The following SEMA6D variants were observed in gnomAD, a reference collection of about 807,000 sequenced individuals.
SEMA6D encodes the protein semaphorin 6D.
SEMA6D carries 35 observed loss-of-function variants against 106.6 expected under a neutral mutation model. The ratio of observed to expected loss-of-function variants is 0.33; its 90% CI spans 0.25 to 0.44. The LOEUF (loss-of-function observed/expected upper bound fraction) is 0.44. Ranked by LOEUF, SEMA6D falls within the 20% of genes least tolerant of loss-of-function variation. SEMA6D has a pLI of 1.00. For missense variants in SEMA6D, 1,185 were observed against 1,345.9 expected (o/e 0.88, Z 1.87); for synonymous variants, 499 against 487.7 (o/e 1.02, Z -0.31).
chr15:47,381,068 AGGCTGAAGCTACCAGCCTGAAG>A (rs1346107586), intron 1 of SEMA6D, among the ~76,000 whole-genome samples: 1 of 152,296 alleles, frequency 6.6e-6, no homozygotes, highest in Non-Finnish European at 1.5e-5. Context: ...GAATTAAGCC[AGGCTGAAGCTACCAGCCTGAAG>A]GGCTGAAGGC....
intron 4 of SEMA6D, among the ~76,000 whole-genome samples, chr15:47,636,572 A>T (rs1396896408): frequency 6.6e-6 from 1 of 152,122 alleles, no homozygotes; most frequent in Non-Finnish European, 1.5e-5. Flanking sequence ...CCCTGAGATT[A>T]CCCACACCCT....
chr15:47,375,353 T>G lies in SEMA6D; in HGVS notation c.-238-37040T>G, dbSNP rs964188796. ...TATGGAGCCTCATACTAATGTCCCC[T>G]TTCCCTCTCCCATTCCTCTTCCTTC... On this transcript the variant is annotated intron_variant, in intron 1 of 19. Transcript: ENST00000558014. 7.2e-5 allele frequency among the ~76,000 whole-genome samples: 11 copies of G among 152,202 alleles called. No homozygotes were observed. The East Asian group carries it at 2.1e-3, about 29-fold the overall frequency.
intron 1 of SEMA6D, among the ~76,000 whole-genome samples, chr15:47,208,115 C>G (rs1895234613): frequency 6.6e-6 from 1 of 150,670 alleles, no homozygotes; most frequent in South Asian, 2.1e-4. Flanking sequence ...CCTGTCTCTG[C>G]CACTTAGAGC....
intron 2 of SEMA6D, among the ~76,000 whole-genome samples, chr15:47,463,298 C>T (rs2042566548): frequency 1.3e-5 from 2 of 152,124 alleles, no homozygotes; most frequent in African/African-American, 2.4e-5. Context: ...CACAGTTATC[C>T]ACATACATGC....
At chr15:47,749,227 A>C (rs1307355269) in intron 1 of SEMA6D, among the ~76,000 whole-genome samples, 3 of 151,786 alleles carry the variant, frequency 2.0e-5, no homozygotes, top group Non-Finnish European at 4.4e-5. Flanking sequence ...GATTACAGGC[A>C]CACAGCACCA....
chr15:47,189,071 T>C (rs1595714589), intron 1 of SEMA6D, among the ~76,000 whole-genome samples: 2 of 152,224 alleles, frequency 1.3e-5, no homozygotes, highest in Non-Finnish European at 2.9e-5. Flanking sequence ...ACTTAAGTAG[T>C]CTGAGGATAT....
At chr15:47,197,897 G>A (rs1245532524) in intron 1 of SEMA6D, among the ~76,000 whole-genome samples, 1 of 151,614 alleles carries the variant, frequency 6.6e-6, no homozygotes, top group Admixed American at 6.6e-5. Flanking sequence ...ATTTCTTTCT[G>A]TGTCATATTT....
intron 3 of SEMA6D, among the ~76,000 whole-genome samples, chr15:47,560,461 T>C (rs1003964810): frequency 6.6e-6 from 1 of 151,960 alleles, no homozygotes; most frequent in African/African-American, 2.4e-5. Flanking sequence ...AAGAGCAGAT[T>C]TGAGATGGAA....
In SEMA6D at chr15:47,433,932, A is replaced by G. The variant is rs573971820; in HGVS notation, c.-159+21460A>G. Among the ~76,000 whole-genome samples the G allele has an allele frequency of 3.7e-4, 56 of 152,250 alleles. No homozygotes were observed. The South Asian group carries it at 3.9e-3, about 11-fold the overall frequency. ...AGATTCCTTATGCATTTGAAAATAT[A>G]AACTATGAGATGGACTTTCAGTAAC... On this transcript the variant is annotated intron_variant, in intron 2 of 19. Coordinates refer to the SEMA6D transcript ENST00000558014.
intron 4 of SEMA6D, among the ~76,000 whole-genome samples, chr15:47,656,105 G>A (rs1244248214): frequency 1.3e-5 from 2 of 152,228 alleles, no homozygotes; most frequent in South Asian, 2.1e-4. Flanking sequence ...AGGCTGTGAT[G>A]TGCATTATGG....
chr15:47,357,182 A>C (rs377128481), intron 1 of SEMA6D, among the ~76,000 whole-genome samples: 5 of 151,844 alleles, frequency 3.3e-5, no homozygotes, highest in South Asian at 4.2e-4. Flanking sequence ...AAAATACAAA[A>C]AATTAGCCGG....
At chr15:47,306,783 T>G (rs2036249024) in intron 1 of SEMA6D, among the ~76,000 whole-genome samples, 1 of 152,264 alleles carries the variant, frequency 6.6e-6, no homozygotes, top group Admixed American at 6.5e-5. Context: ...TCTTACCAAG[T>G]AGAGGTATCA....
At chr15:47,427,415 T>C (rs929731542) in intron 2 of SEMA6D, among the ~76,000 whole-genome samples, 7 of 152,192 alleles carry the variant, frequency 4.6e-5, no homozygotes, top group African/African-American at 1.4e-4. Flanking sequence ...CTGAGAAATA[T>C]TACATTTTAA....
chr15:47,680,770 T>C (rs1187449442), intron 4 of SEMA6D, among the ~76,000 whole-genome samples: 1 of 152,152 alleles, frequency 6.6e-6, no homozygotes, highest in African/African-American at 2.4e-5. Context: ...GTTTTTAAAA[T>C]GGGCAAAGGA....
intron 1 of SEMA6D, among the ~76,000 whole-genome samples, chr15:47,721,435 T>A (rs1012545235): frequency 2.6e-5 from 4 of 152,216 alleles, no homozygotes; most frequent in Non-Finnish European, 5.9e-5. Flanking sequence ...GCTAGTGTCT[T>A]GGGTTGCCGC....
chr15:47,528,863 T>C (rs543733483), intron 3 of SEMA6D, among the ~76,000 whole-genome samples: 1 of 152,320 alleles, frequency 6.6e-6, no homozygotes, highest in South Asian at 2.1e-4. Context: ...AGTTCACATA[T>C]AACTGACTCT....
intron 1 of SEMA6D, among the ~76,000 whole-genome samples, chr15:47,348,719 C>CGAGAGAG (rs1567016651): frequency 1.0e-4 from 2 of 19,156 alleles, no homozygotes; most frequent in African/African-American, 1.8e-4. Flanking sequence ...ACACACACAC[C>CGAGAGAG]ACACACACAG....
chr15:47,332,015 C>T (rs2037362212), intron 1 of SEMA6D, among the ~76,000 whole-genome samples: 1 of 152,146 alleles, frequency 6.6e-6, no homozygotes, highest in Admixed American at 6.6e-5. Flanking sequence ...TGGCACAAAA[C>T]TCACCTCTCT....
chr15:47,363,408 A>G (rs1338754550), intron 1 of SEMA6D, among the ~76,000 whole-genome samples: 2 of 151,042 alleles, frequency 1.3e-5, no homozygotes, highest in African/African-American at 4.8e-5. Context: ...GGTAAATTAC[A>G]TGTGGGGTGG....
Sources: allele counts gnomAD v4.1 joint callset (sites outside exome capture counted in the v4.1 genomes callset), GRCh38; gene constraint gnomAD v4.1.1; transcripts MANE v1.5; gene names NCBI Gene and HGNC (gene_info 2026-07-23, HGNC 2026-07-21).